The following C2CD2 variants were observed in gnomAD, a reference collection of about 807,000 sequenced individuals.
C2CD2 encodes the protein C2 calcium dependent domain containing 2, also known as C2 domain-containing protein 2.
Under a neutral mutation model 74.3 loss-of-function variants are expected in C2CD2, and 43 were observed. The observed-to-expected ratio is 0.58, with a 90% CI of 0.45 to 0.75. C2CD2 has a LOEUF of 0.75. Ranked by LOEUF, C2CD2 falls within the 30% of genes least tolerant of loss-of-function variation. The pLI, the probability that C2CD2 is intolerant of heterozygous loss-of-function variation, is 0.00. For synonymous variants in C2CD2, 422 were observed against 390.7 expected (o/e 1.08, Z -0.94); for missense variants, 801 against 916.3 (o/e 0.87, Z 1.63).
rs2839416 is a variant in C2CD2 at position 41,899,496 on chromosome 21, T to G, written c.1561-134A>C. On this transcript the variant is annotated intron_variant, in intron 12 of 13. Coordinates refer to ENST00000380486, the MANE Select transcript of C2CD2 (RefSeq NM_015500.2). The surrounding 1 kb of genome is among the most constrained non-coding windows in gnomAD (Gnocchi z 4.4). The stretch of plus-strand genomic sequence containing the variant: ...TCAGAAGATGCAGCCGTGGGCCTCA[T>G]AGAAGGCGCTTATACATCACGGCCG... 0.32 allele frequency: 264,808 copies of G among 838,570 alleles called. 42,345 individuals are homozygous for G. Among genetic ancestry groups the G allele is most frequent in the Middle Eastern group, 0.39 (1,398 of 3,588 alleles). 51.9% of individuals were successfully genotyped at this position (838,570 alleles called of 1,614,324 possible). A position where few individuals can be genotyped will look rare whatever the true frequency, so the allele number is the denominator to read the frequency against.
chr21:41,914,617 G>A lies in C2CD2; in HGVS notation c.825C>T (p.Leu275=). Residue 275 remains leucine, a synonymous_variant, in exon 6 of 14, where the codon CTC becomes CTT. Transcript: ENST00000380486. ...LLVRNIHVLL[L]SEPGASGHIN... ...ACCCACCTGAGGCACCGGGCTCGCT[G>A]AGCAGCAAGACGTGGATGTTCCTCA... 1.2e-6 allele frequency: 2 copies of A among 1,613,836 alleles called. No homozygotes were observed. Among genetic ancestry groups the A allele is most frequent in the Non-Finnish European group, 1.7e-6 (2 of 1,179,798 alleles).
rs892953459 is a variant in C2CD2, at chr21:41,886,618, C to T, written c.*2506G>A. 2.0e-5 allele frequency: 3 copies of T among 151,980 alleles called. No individual in the cohort carries two copies. Among genetic ancestry groups the T allele is most frequent in the Admixed American group, 1.3e-4 (2 of 15,264 alleles). The allele number at this position is 151,980 out of a possible 1,614,324, so 9.4% of individuals were successfully genotyped here. A position where few individuals can be genotyped will look rare whatever the true frequency, so the allele number is the denominator to read the frequency against. On this transcript the variant is annotated 3_prime_UTR_variant, in exon 14 of 14. Transcript: ENST00000380486. ...CTAGACCTTGGTATTCAACAGTAAG[C>T]AGCGCTCATGGGATTCATCTGGAAA...
At chr21:41,941,538 T>G (rs1002430825) in intron 2 of C2CD2, among the ~76,000 whole-genome samples, 3 of 152,230 alleles carry the variant, frequency 2.0e-5, no homozygotes, top group Admixed American at 2.0e-4. Flanking sequence ...TATATGTACA[T>G]AAATCTAGAT....
intron 13 of C2CD2, among the ~76,000 whole-genome samples, chr21:41,897,812 C>T (rs2064841788): frequency 6.6e-6 from 1 of 152,188 alleles, no homozygotes; most frequent in Non-Finnish European, 1.5e-5. Context: ...CCATGGCAGG[C>T]TGTGGGCTTT....
chr21:41,946,663 A>C (rs552568619), intron 1 of C2CD2, among the ~76,000 whole-genome samples: 1 of 152,286 alleles, frequency 6.6e-6, no homozygotes, highest in Non-Finnish European at 1.5e-5. Context: ...CTGGCAATGC[A>C]AGAAGGGACT....
intron 13 of C2CD2, chr21:41,894,857 G>T: frequency 2.2e-6 from 1 of 456,770 alleles, no homozygotes; most frequent in South Asian, 1.5e-5. Flanking sequence ...GCCGCCCCAT[G>T]GTGGTTGTGA....
At chr21:41,942,278 C>T (rs1471576495) in intron 1 of C2CD2, 33 bp from the exon 2 acceptor site, 1 of 1,475,374 alleles carries the variant, frequency 6.8e-7, no homozygotes, top group Admixed American at 2.0e-5. Flanking sequence ...GGAGGGCATG[C>T]ACAGGAGGGG....
At chr21:41,902,958 G>A (rs536907067) in intron 11 of C2CD2, among the ~76,000 whole-genome samples, 117 of 152,086 alleles carry the variant, frequency 7.7e-4, no homozygotes, top group Admixed American at 8.5e-4. Context: ...CCCTCCTCTC[G>A]CCTGTGGGGA....
At chr21:41,914,441 C>G (rs1156553112) in intron 6 of C2CD2, among the ~76,000 whole-genome samples, 157 bp downstream of exon 6, 1 of 152,200 alleles carries the variant, frequency 6.6e-6, no homozygotes. Flanking sequence ...CTCTTGTTCC[C>G]GTTACATTTT....
At chr21:41,909,660 A>C (rs757798549) in intron 7 of C2CD2, 137 bp from the exon 8 acceptor site, 1 of 692,256 alleles carries the variant, frequency 1.4e-6, no homozygotes, top group East Asian at 2.7e-5. Context: ...ATATAAGCAA[A>C]AAAAGGGAAA....
At chr21:41,927,835 G>A (rs904053256) in intron 2 of C2CD2, among the ~76,000 whole-genome samples, 3 of 152,150 alleles carry the variant, frequency 2.0e-5, no homozygotes, top group African/African-American at 7.2e-5. Flanking sequence ...ACAAGATGGT[G>A]GCCAACCCCA....
In C2CD2 at chr21:41,888,807, G is replaced by A. The variant is rs117899230; in HGVS notation, c.*317C>T. ...AACCTGCCCTCCACAATCTATTAGA[G>A]CATATTATTTCACTTATAATGTTAA... On this transcript the variant is annotated 3_prime_UTR_variant, in exon 14 of 14. Coordinates refer to ENST00000380486, the MANE Select transcript of C2CD2 (RefSeq NM_015500.2). 12,564 of 389,608 alleles carry A rather than the reference G, an allele frequency of 0.032. 324 individuals carry two copies. The highest frequency in any genetic ancestry group is 0.076 in the South Asian group (2,769 of 36,520). 24.1% of individuals were successfully genotyped at this position (389,608 alleles called of 1,614,324 possible). A position where few individuals can be genotyped will look rare whatever the true frequency, so the allele number is the denominator to read the frequency against.
At chr21:41,897,893 C>T (rs1045754771) in intron 13 of C2CD2, among the ~76,000 whole-genome samples, 1 of 152,144 alleles carries the variant, frequency 6.6e-6, no homozygotes, top group East Asian at 1.9e-4. Flanking sequence ...GTCCTGTGCA[C>T]GGCAGGGCGC....
At chr21:41,947,137 T>TCTCTCTCTCTCTCTCCCCCTCC (rs778013814) in intron 1 of C2CD2, among the ~76,000 whole-genome samples, 1 of 25,640 alleles carries the variant, frequency 3.9e-5, no homozygotes, top group African/African-American at 1.6e-4. Flanking sequence ...TCTCTCTCTC[T>TCTCTCTCTCTCTCTCCCCCTCC]CTCCCTCCCT....
intron 2 of C2CD2, among the ~76,000 whole-genome samples, chr21:41,932,315 G>A (rs1031713056): frequency 6.7e-6 from 1 of 150,002 alleles, no homozygotes; most frequent in African/African-American, 2.4e-5. Context: ...CGATGTGGCC[G>A]ATCCTGAGTC....
chr21:41,946,557 C>A (rs530516484), intron 1 of C2CD2, among the ~76,000 whole-genome samples: 2 of 152,276 alleles, frequency 1.3e-5, no homozygotes, highest in East Asian at 1.9e-4. Flanking sequence ...CTGAGGCCTC[C>A]GCAGAAGCAG....
At chr21:41,933,397 C>T (rs1029747723) in intron 2 of C2CD2, among the ~76,000 whole-genome samples, 2 of 152,054 alleles carry the variant, frequency 1.3e-5, no homozygotes, top group African/African-American at 2.4e-5. Flanking sequence ...ACTGTGAACC[C>T]GCTGCCCTAC....
At chr21:41,933,737 G>A (rs558744911) in intron 2 of C2CD2, among the ~76,000 whole-genome samples, 142 of 152,284 alleles carry the variant, frequency 9.3e-4, no homozygotes, top group South Asian at 8.3e-3. Flanking sequence ...TGGCAAGAGC[G>A]ACCAGGCTCC....
chr21:41,919,018 G>T lies in C2CD2; in HGVS notation c.493-58C>A, dbSNP rs139301269. ...TTTCCACCAAAGCCTTAATGTGCACGTGCGTGTGCATGTGACTGTGTGAGC... is the reference window on the plus strand; with the variant it reads ...TTTCCACCAAAGCCTTAATGTGCACTTGCGTGTGCATGTGACTGTGTGAGC... On this transcript the variant is annotated intron_variant, in intron 3 of 13. Coordinates refer to ENST00000380486, the MANE Select transcript of C2CD2 (RefSeq NM_015500.2). 7 of 1,229,962 alleles carry T rather than the reference G, an allele frequency of 5.7e-6. No homozygotes were observed. In the African/African-American group the frequency reaches 7.6e-5, roughly 13 times the overall value. 76.2% of individuals were successfully genotyped at this position (1,229,962 alleles called of 1,614,324 possible). A position where few individuals can be genotyped will look rare whatever the true frequency, so the allele number is the denominator to read the frequency against.
Sources: allele counts gnomAD v4.1 joint callset (sites outside exome capture counted in the v4.1 genomes callset), GRCh38; gene constraint gnomAD v4.1.1; non-coding constraint Gnocchi (gnomAD v3.1); transcripts MANE v1.5; gene names NCBI Gene and HGNC (gene_info 2026-07-23, HGNC 2026-07-21).